The following CUL5 variants were observed in gnomAD, a reference collection of about 807,000 sequenced individuals.
The protein encoded by CUL5 is cullin-5.
Under a neutral mutation model 108.8 loss-of-function variants are expected in CUL5, and 26 were observed. The ratio of observed to expected loss-of-function variants is 0.24; its 90% CI spans 0.18 to 0.33. The LOEUF (loss-of-function observed/expected upper bound fraction) is 0.33. Ranked by LOEUF, CUL5 falls within the 10% of genes least tolerant of loss-of-function variation. CUL5 has a pLI of 1.00. For missense variants in CUL5, 524 were observed against 909.2 expected (o/e 0.58, Z 5.45); for synonymous variants, 334 against 298.0 (o/e 1.12, Z -1.25).
intron 3 of CUL5, among the ~76,000 whole-genome samples, chr11:108,049,125 T>C (rs1007495854): frequency 2.0e-5 from 3 of 152,174 alleles, no homozygotes; most frequent in African/African-American, 7.2e-5. Flanking sequence ...AGAAATCCTA[T>C]ACCTATGAAC....
At chr11:108,030,619 A>G (rs1469328922) in intron 1 of CUL5, among the ~76,000 whole-genome samples, 3 of 152,220 alleles carry the variant, frequency 2.0e-5, no homozygotes, top group African/African-American at 7.2e-5. Flanking sequence ...CTTGGGCAAC[A>G]AGAGTGAAAC....
chr11:108,043,032 G>A (rs954195907), intron 2 of CUL5, among the ~76,000 whole-genome samples: 6 of 152,092 alleles, frequency 3.9e-5, no homozygotes, highest in African/African-American at 1.2e-4. Flanking sequence ...CAAAATGCTA[G>A]GATTAAAGGC....
intron 1 of CUL5, among the ~76,000 whole-genome samples, chr11:108,009,697 G>A (rs779052583): frequency 2.6e-5 from 4 of 152,226 alleles, no homozygotes; most frequent in Admixed American, 6.5e-5. Context: ...TGGGCCGTTA[G>A]TACTGTTAGG....
intron 11 of CUL5, among the ~76,000 whole-genome samples, chr11:108,087,481 G>C (rs570323784): frequency 6.6e-6 from 1 of 152,090 alleles, no homozygotes; most frequent in Non-Finnish European, 1.5e-5. Context: ...ATAAATGTAA[G>C]ACTTTCAAGC....
intron 1 of CUL5, among the ~76,000 whole-genome samples, chr11:108,018,216 T>C (rs1386854919): frequency 6.6e-6 from 1 of 152,184 alleles, no homozygotes; most frequent in African/African-American, 2.4e-5. Context: ...TGAGGTGCAG[T>C]GATGAGCTTG....
At chr11:108,084,529 T>G (rs76448890) in intron 11 of CUL5, among the ~76,000 whole-genome samples, 321 of 152,334 alleles carry the variant, frequency 2.1e-3, no homozygotes, top group African/African-American at 7.2e-3. Context: ...ACTGATTCCC[T>G]TTCATAGCAA....
intron 11 of CUL5, among the ~76,000 whole-genome samples, chr11:108,081,803 T>G (rs1489583091): frequency 2.0e-5 from 3 of 152,292 alleles, no homozygotes; most frequent in East Asian, 3.9e-4. Flanking sequence ...GAATGCTTAG[T>G]TCAGTTCTAT....
intron 4 of CUL5, 25 bp downstream of exon 4, chr11:108,050,091 T>C (rs775395061): frequency 1.3e-6 from 2 of 1,537,026 alleles, no homozygotes; most frequent in Non-Finnish European, 1.8e-6. Context: ...CTCCTTGTTT[T>C]CCTAATATTC....
chr11:108,024,116 A>C (rs1200326364), intron 1 of CUL5, among the ~76,000 whole-genome samples: 2 of 152,218 alleles, frequency 1.3e-5, no homozygotes, highest in East Asian at 3.8e-4. Flanking sequence ...TTCCTTATCC[A>C]GGAAAGGACC....
At chr11:108,015,066 T>C (rs1862147657) in intron 1 of CUL5, among the ~76,000 whole-genome samples, 1 of 152,068 alleles carries the variant, frequency 6.6e-6, no homozygotes, top group Non-Finnish European at 1.5e-5. Flanking sequence ...GCTCGGCTGA[T>C]TTTTGCATTT....
At chr11:108,066,330 C>T (rs1863677333) in intron 7 of CUL5, among the ~76,000 whole-genome samples, 2 of 151,732 alleles carry the variant, frequency 1.3e-5, no homozygotes, top group Admixed American at 6.6e-5. Flanking sequence ...GGCGACAGAG[C>T]GAGACTCTGT....
intron 7 of CUL5, among the ~76,000 whole-genome samples, chr11:108,067,727 G>A (rs1204022367): frequency 1.3e-5 from 2 of 151,956 alleles, no homozygotes; most frequent in African/African-American, 4.8e-5. Flanking sequence ...ATTCCACTTT[G>A]TCTTTGTTCT....
chr11:108,095,024 T>C, intron 15 of CUL5, 37 bp downstream of exon 15: 4 of 1,547,688 alleles, frequency 2.6e-6, no homozygotes, highest in Non-Finnish European at 3.5e-6. Context: ...CAGCTTTCAG[T>C]TTGGATGAAA....
chr11:108,053,887 C>CT (rs1483961801), intron 5 of CUL5, among the ~76,000 whole-genome samples: 1 of 151,902 alleles, frequency 6.6e-6, no homozygotes, highest in African/African-American at 2.4e-5. Flanking sequence ...GAGTCTCACT[C>CT]TGTCACCCAG....
chr11:108,085,969 G>C (rs952498241), intron 11 of CUL5, among the ~76,000 whole-genome samples: 7 of 152,134 alleles, frequency 4.6e-5, no homozygotes, highest in African/African-American at 1.7e-4. Context: ...TTATATATCA[G>C]TAATTATTAA....
intron 1 of CUL5, among the ~76,000 whole-genome samples, chr11:108,027,013 A>AT (rs1265713045): frequency 4.7e-5 from 7 of 148,668 alleles, no homozygotes; most frequent in Non-Finnish European, 8.9e-5. Flanking sequence ...AAAAATTATT[A>AT]TTTTTTCACT....
intron 1 of CUL5, among the ~76,000 whole-genome samples, chr11:108,009,770 T>C (rs978359263): frequency 6.6e-6 from 1 of 152,154 alleles, no homozygotes; most frequent in East Asian, 1.9e-4. Flanking sequence ...AAATGCTGCC[T>C]AACAGGTTTC....
At chr11:108,015,080 G>A (rs575864902) in intron 1 of CUL5, among the ~76,000 whole-genome samples, 1 of 152,174 alleles carries the variant, frequency 6.6e-6, no homozygotes, top group East Asian at 1.9e-4. Context: ...TGCATTTTTA[G>A]TAGAGATGGG....
intron 1 of CUL5, among the ~76,000 whole-genome samples, chr11:108,015,217 G>A (rs1323222823): frequency 6.6e-6 from 1 of 152,088 alleles, no homozygotes; most frequent in East Asian, 1.9e-4. Context: ...ATAAGATAGT[G>A]AGGGAATGCC....
Sources: allele counts gnomAD v4.1 joint callset (sites outside exome capture counted in the v4.1 genomes callset), GRCh38; gene constraint gnomAD v4.1.1; transcripts MANE v1.5; gene names NCBI Gene and HGNC (gene_info 2026-07-23, HGNC 2026-07-21).